The following SLC25A34 variants were observed in gnomAD, a reference collection of about 807,000 sequenced individuals.
SLC25A34 encodes solute carrier family 25, member 34.
A neutral mutation model predicts 28.1 loss-of-function variants in SLC25A34; 26 were observed. The ratio of observed to expected loss-of-function variants is 0.93; its 90% confidence interval spans 0.68 to 1.28. The LOEUF (loss-of-function observed/expected upper bound fraction) is 1.28. Ranked by LOEUF, SLC25A34 falls within the 50% of genes most tolerant of loss-of-function variation. SLC25A34 has a pLI of 0.00. For synonymous variants in SLC25A34, 182 were observed against 182.2 expected, an observed-to-expected ratio of 1.00 and a Z score of 0.01; for missense variants, 384 against 409.8, an observed-to-expected ratio of 0.94 and a Z score of 0.54.
Position 15,736,732 on chromosome 1 carries a change from A to C in SLC25A34, c.247A>C (p.Met83Leu). The change falls in exon 1 of 5, where the codon ATG becomes CTG. Residue 83 changes from methionine (M) to leucine (L), a missense_variant. Coordinates refer to ENST00000294454, the MANE Select transcript of SLC25A34 (RefSeq NM_207348.3). The part of the protein sequence containing the change: ...LAAGLLYQGL[M>L]NGVRFYCYSL... The stretch of plus-strand genomic sequence containing the variant: ...TGCCGGCCTTCTGTACCAAGGCCTC[A>C]TGAATGGCGTTCGTTTCTACTGCTA... The C allele has an allele frequency of 6.2e-7, 1 of 1,609,692 alleles. No homozygotes were observed. The highest frequency in any genetic ancestry group is 1.1e-5 in the South Asian group (1 of 90,958).
intron 1 of SLC25A34, 109 bp from the exon 2 acceptor site, chr1:15,737,820 T>C (rs966348595): frequency 1.6e-6 from 2 of 1,219,484 alleles, no homozygotes; most frequent in Non-Finnish European, 2.4e-6. Context: ...CTCGGGACCA[T>C]GGAGCTGTGA....
intron 1 of SLC25A34, 86 bp from the exon 2 acceptor site, chr1:15,737,843 C>A: frequency 6.8e-7 from 1 of 1,479,346 alleles, no homozygotes. Context: ...TTCAGGGGCA[C>A]GGGGGCAGGG....
chr1:15,737,774 C>T, intron 1 of SLC25A34, 155 bp from the exon 2 acceptor site: 1 of 769,860 alleles, frequency 1.3e-6, no homozygotes, highest in East Asian at 2.7e-5. Context: ...CAGAGCTGCA[C>T]CTCAACCCTA....
At chr1:15,737,795 C>A in intron 1 of SLC25A34, 134 bp from the exon 2 acceptor site, 1 of 937,400 alleles carries the variant, frequency 1.1e-6, no homozygotes, top group Non-Finnish European at 1.6e-6. Flanking sequence ...TTTCACTTGA[C>A]CCCTAAGCTT....
In SLC25A34 at chr1:15,738,649, T is replaced by C. The variant is rs200985789; in HGVS notation, c.653T>C (p.Ile218Thr). ...CTGGCTGGGGGCATGATCAGCAGCATAGCCGTGGTTGTCGTCATGACTCCC... is the reference window on the plus strand; with the variant it reads ...CTGGCTGGGGGCATGATCAGCAGCACAGCCGTGGTTGTCGTCATGACTCCC... ...VALAGGMISS[I>T]AVVVVMTPFD... Residue 218 changes from isoleucine to threonine, a missense_variant, in exon 4 of 5, where the codon ATA becomes ACA. Ile to Thr is a moderately conservative substitution (Grantham distance 89). Transcript: ENST00000294454. 819 of 1,609,288 alleles carry C rather than the reference T, an allele frequency of 5.1e-4. 12 individuals are homozygous for C. In the East Asian group the frequency reaches 0.018, roughly 35 times the overall value.
rs1290556739 is a variant in SLC25A34, at chr1:15,740,043, TG to T, written c.*640del. The T allele has an allele frequency of 6.6e-6, 1 of 152,210 alleles. No individual in the cohort carries two copies. The highest frequency in any genetic ancestry group is 2.4e-5 in the African/African-American group (1 of 41,434). 9.4% of individuals were successfully genotyped at this position (152,210 alleles called of 1,614,324 possible). On this transcript the variant is annotated 3_prime_UTR_variant, in exon 5 of 5. Transcript: ENST00000294454. ...GAAGCTGTAGCAAAGAACCACAGACTGGGCGACTTAGACAATAGAAATGTAT... is the reference window on the plus strand; with the variant it reads ...GAAGCTGTAGCAAAGAACCACAGACTGGCGACTTAGACAATAGAAATGTAT...
chr1:15,737,854 C>T (rs950403699), intron 1 of SLC25A34, 75 bp from the exon 2 acceptor site: 51 of 1,531,168 alleles, frequency 3.3e-5, no homozygotes, highest in Admixed American at 1.4e-4. Flanking sequence ...GGGGGCAGGG[C>T]GCCCTCAACA....
rs147697436 is a variant in SLC25A34 at position 15,739,488 on chromosome 1, C to T, written c.*82C>T. ...CCTGCTCCAGGACAACTGGCTGTCC[C>T]GGGGCGGGCCATGGGCCCAGGCCCT... is the stretch of plus-strand genomic sequence containing the variant. On this transcript the variant is annotated 3_prime_UTR_variant, in exon 5 of 5. Transcript: ENST00000294454. The T allele has an allele frequency of 2.1e-5, 31 of 1,449,382 alleles. No homozygotes were observed. Among genetic ancestry groups the T allele is most frequent in the South Asian group, 1.3e-4 (9 of 68,272 alleles). The allele number at this position is 1,449,382 out of a possible 1,614,324, so 89.8% of individuals were successfully genotyped here. A position where few individuals can be genotyped will look rare whatever the true frequency, so the allele number is the denominator to read the frequency against.
chr1:15,737,601 AG>A (rs1230916675), intron 1 of SLC25A34, among the ~76,000 whole-genome samples: 2 of 151,952 alleles, frequency 1.3e-5, no homozygotes, highest in Admixed American at 1.3e-4. Flanking sequence ...AGAAAAAAAA[AG>A]CTCCCCTTGA....
chr1:15,738,186 G>A lies in SLC25A34; in HGVS notation c.538G>A (p.Gly180Ser). 12 of 1,606,612 alleles carry A rather than the reference G, an allele frequency of 7.5e-6. No homozygotes were observed. Among genetic ancestry groups the A allele is most frequent in the Non-Finnish European group, 9.4e-6 (11 of 1,176,448 alleles). The change falls in exon 3 of 5, where the codon GGC (glycine) becomes AGC (serine). Residue 180 changes from glycine (G) to serine (S), a missense_variant. Coordinates refer to ENST00000294454, the MANE Select transcript of SLC25A34 (RefSeq NM_207348.3). ...VGGAVPRVMV[G>S]SAAQLATFAS... Reference sequence around the variant, plus strand: ...TGGGGCTGTGCCCCGAGTCATGGTGGGCTCAGCTGCCCAGCTGGCCACCTT... The same window carrying A: ...TGGGGCTGTGCCCCGAGTCATGGTGAGCTCAGCTGCCCAGCTGGCCACCTT...
Position 15,741,152 on chromosome 1 carries a change from GC to G in SLC25A34, c.*1748del, listed in dbSNP as rs2068276769. The stretch of plus-strand genomic sequence containing the variant: ...CGGGAAAGGGAAGCGACGTGGCAGG[GC>G]CAGCAGCAGACCCTGGGCCTTTCTC... On this transcript the variant is annotated 3_prime_UTR_variant, in exon 5 of 5. Coordinates refer to ENST00000294454, the MANE Select transcript of SLC25A34 (RefSeq NM_207348.3). 6.6e-6 allele frequency: 1 copy of G among 152,524 alleles called. No individual in the cohort carries two copies. The highest frequency in any genetic ancestry group is 2.4e-5 in the African/African-American group (1 of 41,456). 9.4% of individuals were successfully genotyped at this position (152,524 alleles called of 1,614,324 possible).
In SLC25A34 at chr1:15,736,545, C is replaced by T. The variant is rs1456869440; in HGVS notation, c.60C>T (p.Ala20=). 3 of 1,456,228 alleles carry T rather than the reference C, an allele frequency of 2.1e-6. No homozygotes were observed. The highest frequency in any genetic ancestry group is 2.9e-5 in the African/African-American group (2 of 69,762). 90.2% of individuals were successfully genotyped at this position (1,456,228 alleles called of 1,614,324 possible). ...TGGGTGCTTCTGCCTGCTGCCTGGC[C>T]TGTGTCTTCACCAACCCCCTGGAGG... The part of the protein sequence containing the change: ...LVLGASACCL[A]CVFTNPLEVV... The change falls in exon 1 of 5, where the codon GCC becomes GCT. Residue 20 remains alanine (A), a synonymous_variant. Coordinates refer to ENST00000294454, the MANE Select transcript of SLC25A34 (RefSeq NM_207348.3).
chr1:15,739,164 G>A, intron 4 of SLC25A34, 60 bp from the exon 5 acceptor site: 11 of 1,573,964 alleles, frequency 7.0e-6, no homozygotes, highest in South Asian at 2.3e-5. Flanking sequence ...GTGCCAAGAT[G>A]TGGTGCCAGC....
In SLC25A34 at chr1:15,737,971, G is replaced by A. The variant is rs747009687; in HGVS notation, c.421G>A (p.Val141Met). 3.7e-6 allele frequency: 6 copies of A among 1,613,730 alleles called. No homozygotes were observed. Among genetic ancestry groups the A allele is most frequent in the East Asian group, 2.2e-5 (1 of 44,898 alleles). The change falls in exon 2 of 5, where the codon GTG (valine) becomes ATG (methionine). Residue 141 changes from valine to methionine, a missense_variant. Coordinates refer to ENST00000294454, the MANE Select transcript of SLC25A34 (RefSeq NM_207348.3). The part of the protein sequence containing the change: ...LQAQTVAAVA[V>M]GHQHNHQTVL... ...AGCTCAGACAGTGGCCGCAGTGGCC[G>A]TGGGACACCAGCACAATCACCAGGT...
In SLC25A34 at chr1:15,736,798, G is replaced by A. The variant is rs1470565025; in HGVS notation, c.313G>A (p.Gly105Ser). 2 of 1,601,344 alleles carry A rather than the reference G, an allele frequency of 1.2e-6. No individual in the cohort carries two copies. Among genetic ancestry groups the A allele is most frequent in the Non-Finnish European group, 8.5e-7 (1 of 1,177,404 alleles). ...GGCTGGCCTCACGCAGCAACCAGGT[G>A]GCACCGTGGTTGCGGGAGCCGTGGC... ...CQAGLTQQPG[G>S]TVVAGAVAGA... Residue 105 changes from glycine (G) to serine (S), a missense_variant, in exon 1 of 5, where the codon GGC becomes AGC. Transcript: ENST00000294454.
At chr1:15,737,031 GC>G in intron 1 of SLC25A34, 168 bp downstream of exon 1, 1 of 981,030 alleles carries the variant, frequency 1.0e-6, no homozygotes, top group Non-Finnish European at 1.4e-6. Flanking sequence ...CTGCCCCTTG[GC>G]CCAGGGCCTT....
Position 15,738,084 on chromosome 1 carries a change from T to G in SLC25A34, c.445-9T>G. ...GGGTGGCCAGTGACCCCGTGCCCTC[T>G]CCCCACAGACTGTCCTGGGTGCCTT... On this transcript the variant is annotated splice_polypyrimidine_tract_variant and intron_variant, in intron 2 of 4. Coordinates refer to ENST00000294454, the MANE Select transcript of SLC25A34 (RefSeq NM_207348.3). 1 of 1,610,572 alleles carries G rather than the reference T, an allele frequency of 6.2e-7. No homozygotes were observed. The highest frequency in any genetic ancestry group is 1.1e-5 in the South Asian group (1 of 90,604).
chr1:15,739,515 C>T lies in SLC25A34; in HGVS notation c.*109C>T, dbSNP rs1038958752. 1.1e-5 allele frequency: 14 copies of T among 1,314,312 alleles called. No homozygotes were observed. In the East Asian group the frequency reaches 1.1e-4, roughly 10 times the overall value. The allele number at this position is 1,314,312 out of a possible 1,614,324, so 81.4% of individuals were successfully genotyped here. A position where few individuals can be genotyped will look rare whatever the true frequency, so the allele number is the denominator to read the frequency against. Reference sequence around the variant, plus strand: ...GGGCGGGCCATGGGCCCAGGCCCTGCCAGAGGTCCCGGGAGAGTGTGGACA... The same window carrying T: ...GGGCGGGCCATGGGCCCAGGCCCTGTCAGAGGTCCCGGGAGAGTGTGGACA... On this transcript the variant is annotated 3_prime_UTR_variant, in exon 5 of 5. Coordinates refer to ENST00000294454, the MANE Select transcript of SLC25A34 (RefSeq NM_207348.3).
At chr1:15,739,075 C>T (rs2068255168) in intron 4 of SLC25A34, 149 bp from the exon 5 acceptor site, 3 of 1,028,358 alleles carry the variant, frequency 2.9e-6, no homozygotes, top group African/African-American at 3.3e-5. Flanking sequence ...CCACAGCCTT[C>T]CCATGGCGCC....
Sources: allele counts gnomAD v4.1 joint callset (sites outside exome capture counted in the v4.1 genomes callset), GRCh38; gene constraint gnomAD v4.1.1; transcripts MANE v1.5; gene names NCBI Gene and HGNC (gene_info 2026-07-23, HGNC 2026-07-21).